Variants in KIAA1549L observed in about 807,000 individuals in gnomAD.
The protein encoded by KIAA1549L is UPF0606 protein KIAA1549L.
Under a neutral mutation model 160.7 loss-of-function variants are expected in KIAA1549L, and 88 were observed. The ratio of observed to expected loss-of-function variants is 0.55; its 90% CI spans 0.46 to 0.65. The LOEUF (loss-of-function observed/expected upper bound fraction) is 0.65. Ranked by LOEUF, KIAA1549L falls within the 30% of genes least tolerant of loss-of-function variation. The pLI is 0.00. For synonymous variants in KIAA1549L, 950 were observed against 976.7 expected, an observed-to-expected ratio of 0.97 and a Z score of 0.51; for missense variants, 2,258 against 2,437.5, an observed-to-expected ratio of 0.93 and a Z score of 1.55.
intron 1 of KIAA1549L, among the ~76,000 whole-genome samples, chr11:33,496,667 C>T (rs1485230252): frequency 2.6e-5 from 4 of 152,136 alleles, no homozygotes; most frequent in African/African-American, 9.7e-5. Flanking sequence ...CAACAACAAC[C>T]CGCTCCCACC....
At chr11:33,477,985 T>C (rs891060653) in intron 1 of KIAA1549L, among the ~76,000 whole-genome samples, 4 of 152,116 alleles carry the variant, frequency 2.6e-5, no homozygotes, top group Admixed American at 2.0e-4. Context: ...GAACTACAGG[T>C]AAGACAAGAG....
At position 33,583,357 on chromosome 11, in the gene KIAA1549L, C is replaced by A; in HGVS notation, c.4422C>A (p.Pro1474=). The change falls in exon 11 of 21, where the codon CCC becomes CCA. Residue 1474 remains proline (P), a synonymous_variant. Transcript: ENST00000658780. ...CCACAGCCGTGGTGAAGAACCCGCC[C>A]AATAACCTGTGGATCATCGCTGCAG... is the stretch of plus-strand genomic sequence containing the variant. ...LQADPVVKNP[P]NNLWIIAAVL... is the part of the protein sequence containing the mutation. The A allele has an allele frequency of 6.2e-7, 1 of 1,606,000 alleles. No individual in the cohort carries two copies. The highest frequency in any genetic ancestry group is 2.2e-5 in the East Asian group (1 of 44,522).
At chr11:33,626,516 G>GT (rs1851117778) in intron 16 of KIAA1549L, among the ~76,000 whole-genome samples, 2 of 143,206 alleles carry the variant, frequency 1.4e-5, no homozygotes, top group South Asian at 4.5e-4. Context: ...TATTCTCTTT[G>GT]AAGCAATTGT....
intron 16 of KIAA1549L, among the ~76,000 whole-genome samples, chr11:33,625,468 G>A (rs908751220): frequency 6.6e-6 from 1 of 152,114 alleles, no homozygotes; most frequent in African/African-American, 2.4e-5. Flanking sequence ...GTGTGAGATG[G>A]TATCTCATTG....
intron 1 of KIAA1549L, among the ~76,000 whole-genome samples, chr11:33,451,470 T>C (rs1851718890): frequency 6.6e-6 from 1 of 152,242 alleles, no homozygotes; most frequent in Admixed American, 6.5e-5. Context: ...CTGAAGTTTC[T>C]CTAACATATG....
In KIAA1549L at chr11:33,645,714, A is replaced by G. The variant is rs1222734504; in HGVS notation, c.5438A>G (p.Asn1813Ser). 2.5e-6 allele frequency: 4 copies of G among 1,613,892 alleles called. No individual in the cohort carries two copies. The highest frequency in any genetic ancestry group is 3.3e-5 in the Admixed American group (2 of 60,032). Residue 1813 changes from asparagine (N) to serine (S), a missense_variant, in exon 17 of 21, where the codon AAC becomes AGC. By Grantham distance (46) the Asn-to-Ser change is conservative (BLOSUM62 1). This residue lies in a region of KIAA1549L where 1,359 missense variants were observed against 1,546.6 expected (regional missense o/e 0.88). Transcript: ENST00000658780. Reference sequence around the variant, plus strand: ...GAGCCTGAAATCATAGAGGAAACCAACATTGACAGAGTTCCTGAGCCCCGG... The same window carrying G: ...GAGCCTGAAATCATAGAGGAAACCAGCATTGACAGAGTTCCTGAGCCCCGG... ...DTEPEIIEET[N>S]IDRVPEPRGY...
At position 33,544,908 on chromosome 11, in the gene KIAA1549L, C is replaced by A. The variant is rs1854184950; in HGVS notation, c.2915C>A (p.Pro972Gln). Residue 972 changes from proline to glutamine, a missense_variant, in exon 3 of 21, where the codon CCA becomes CAA. By Grantham distance (76) the Pro-to-Gln change is moderately conservative. Transcript: ENST00000658780. ...SSSPLAVASG[P>Q]AKSSSMTTLA... ...AGCCCTTTGGCCGTGGCCTCAGGAC[C>A]AGCTAAGAGCAGTTCGATGACTACT... The A allele has an allele frequency of 1.9e-6, 3 of 1,613,268 alleles. No individual in the cohort carries two copies. The highest frequency in any genetic ancestry group is 1.3e-5 in the African/African-American group (1 of 74,900).
At position 33,584,797 on chromosome 11, in the gene KIAA1549L, C is replaced by T. The variant is rs560720878; in HGVS notation, c.4566+1296C>T. On this transcript the variant is annotated intron_variant, in intron 11 of 20. Coordinates refer to ENST00000658780, the MANE Select transcript of KIAA1549L (RefSeq NM_012194.3). ...TCACATCTGAGTCTTAGAGCATTTT[C>T]GCCATTATACACCTACCTGAACCCT... is the stretch of plus-strand genomic sequence containing the variant. 2.6e-4 allele frequency among the ~76,000 whole-genome samples: 39 copies of T among 152,294 alleles called. No individual in the cohort carries two copies. The Middle Eastern group carries it at 0.017, about 66-fold the overall frequency.
chr11:33,455,051 T>C (rs1851794787), intron 1 of KIAA1549L, among the ~76,000 whole-genome samples: 1 of 152,162 alleles, frequency 6.6e-6, no homozygotes, highest in South Asian at 2.1e-4. Flanking sequence ...ATTGCGCCAC[T>C]GCACTCCAGC....
chr11:33,416,686 ATTCTC>A (rs1850896116), intron 1 of KIAA1549L, among the ~76,000 whole-genome samples: 1 of 152,168 alleles, frequency 6.6e-6, no homozygotes, highest in Admixed American at 6.5e-5. Flanking sequence ...CCTGGAACCA[ATTCTC>A]TTTGGATTGT....
chr11:33,405,442 T>C (rs547936589), intron 1 of KIAA1549L, among the ~76,000 whole-genome samples: 1 of 152,076 alleles, frequency 6.6e-6, no homozygotes, highest in East Asian at 1.9e-4. Context: ...ACAGCTGCTG[T>C]AATAGACTAA....
At position 33,381,483 on chromosome 11, in the gene KIAA1549L, A is replaced by T. The variant is rs2615894; in HGVS notation, c.238+4594A>T. ...TTGTTTGAGGAAGAGCAGGAATGCC[A>T]ATGTAGAATTGAATGAGCAAAGGGA... is the stretch of plus-strand genomic sequence containing the variant. On this transcript the variant is annotated intron_variant, in intron 1 of 20. Transcript: ENST00000658780. Among the ~76,000 whole-genome samples the T allele has an allele frequency of 6.9e-3, 1,051 of 152,266 alleles. 10 individuals are homozygous for T. Among genetic ancestry groups the T allele is most frequent in the African/African-American group, 0.024 (1,012 of 41,546 alleles).
At chr11:33,459,960 C>CAAAAAATAA (rs538909441) in intron 1 of KIAA1549L, among the ~76,000 whole-genome samples, 7 of 67,220 alleles carry the variant, frequency 1.0e-4, no homozygotes, top group Non-Finnish European at 2.6e-5. Flanking sequence ...GACTCCGTCT[C>CAAAAAATAA]AAAAAAAAAA....
intron 1 of KIAA1549L, among the ~76,000 whole-genome samples, chr11:33,408,245 A>G (rs1850708107): frequency 6.6e-6 from 1 of 152,136 alleles, no homozygotes. Context: ...CTAGGCAGGT[A>G]GCTAACTGGT....
chr11:33,456,400 CTGTTGT>C (rs5790931), intron 1 of KIAA1549L, among the ~76,000 whole-genome samples: 3 of 151,696 alleles, frequency 2.0e-5, no homozygotes, highest in African/African-American at 4.8e-5. Context: ...GTGCATTTTG[CTGTTGT>C]TGTTGTTGTT....
chr11:33,404,784 C>T (rs1379547980), intron 1 of KIAA1549L, among the ~76,000 whole-genome samples: 5 of 151,174 alleles, frequency 3.3e-5, no homozygotes, highest in African/African-American at 4.9e-5. Flanking sequence ...CTGAGGCAGG[C>T]GGATCACCTG....
intron 1 of KIAA1549L, among the ~76,000 whole-genome samples, chr11:33,495,697 G>A (rs1432846737): frequency 3.3e-5 from 5 of 152,062 alleles, no homozygotes; most frequent in Admixed American, 1.3e-4. Context: ...CTGAGGAATC[G>A]CCACACCGAC....
intron 13 of KIAA1549L, among the ~76,000 whole-genome samples, chr11:33,604,299 A>G (rs1045719431): frequency 2.0e-5 from 3 of 152,254 alleles, no homozygotes; most frequent in African/African-American, 7.2e-5. Flanking sequence ...ACTGGCAAAA[A>G]CCAATAGATG....
chr11:33,617,703 A>G (rs79428895), intron 15 of KIAA1549L, among the ~76,000 whole-genome samples: 3,017 of 152,312 alleles, frequency 0.02, 107 homozygotes, highest in African/African-American at 0.069. Flanking sequence ...AGGAGGGGCC[A>G]TAATCTGTTT....
Sources: gnomAD v4.1 joint callset for allele counts (sites outside exome capture counted in the v4.1 genomes callset) on GRCh38, gnomAD v4.1.1 for gene constraint, gnomAD v4.1.1 regional missense constraint, MANE v1.5 for transcripts, NCBI Gene and HGNC (gene_info 2026-07-23, HGNC 2026-07-21) for gene names.